OR4K1: variants seen among roughly 807,000 people sequenced by gnomAD.
The protein encoded by OR4K1 is olfactory receptor 4K1.
OR4K1 carries 16 observed loss-of-function variants against 14.4 expected under a neutral mutation model. That is an observed-to-expected ratio of 1.11 (90% CI 0.75 to 1.68). The LOEUF (loss-of-function observed/expected upper bound fraction) is 1.68, where lower values mean the gene tolerates loss of function less well. Among genes scored for constraint, OR4K1 ranks in the 40% most tolerant of loss-of-function variants. The probability of loss-of-function intolerance (pLI) is 0.00; values close to 1 mark genes in which losing one functional copy is unlikely to be tolerated. For synonymous variants in OR4K1, 181 were observed against 133.1 expected, an observed-to-expected ratio of 1.36 and a Z score of -2.48; for missense variants, 548 against 376.9, an observed-to-expected ratio of 1.45 and a Z score of -3.76.
At chr14:19,925,042 T>C in the OR4K1 span, among the ~76,000 whole-genome samples, 25 of 152,222 alleles carry the variant, frequency 1.6e-4, no homozygotes, top group Non-Finnish European at 3.7e-4. Context: ...TTCAAAGTAA[T>C]AGGATAGTAT....
At chr14:19,920,835 G>T in the OR4K1 span, 4 of 1,614,082 alleles carry the variant, frequency 2.5e-6, no homozygotes, top group Admixed American at 3.3e-5. Context: ...GGCTTCTTTT[G>T]CTACCCCTAA....
upstream of OR4K1, among the ~76,000 whole-genome samples, chr14:19,930,000 T>C (rs1300058232): frequency 6.6e-6 from 1 of 152,222 alleles, no homozygotes; most frequent in Non-Finnish European, 1.5e-5. Context: ...AATTTTACAA[T>C]CTTTAACTTT....
At chr14:19,927,507 T>A (rs3853412), upstream of OR4K1, among the ~76,000 whole-genome samples, 9,625 of 151,388 alleles carry the variant, frequency 0.064, 541 homozygotes, top group East Asian at 0.47. Context: ...GATGAACGTA[T>A]GTGAGTGGGC....
At chr14:19,924,424 A>AAAAAAG in the OR4K1 span, among the ~76,000 whole-genome samples, 1 of 146,792 alleles carries the variant, frequency 6.8e-6, no homozygotes, top group African/African-American at 2.5e-5. Flanking sequence ...AAAAAAAAAA[A>AAAAAAG]AAAGATAGCA....
At chr14:19,928,226 T>C (rs1882101937), upstream of OR4K1, among the ~76,000 whole-genome samples, 1 of 152,238 alleles carries the variant, frequency 6.6e-6, no homozygotes, top group African/African-American at 2.4e-5. Context: ...TTGATCCACT[T>C]ATGGATTTTG....
the OR4K1 span, among the ~76,000 whole-genome samples, chr14:19,922,666 T>TA: frequency 6.6e-6 from 1 of 151,830 alleles, no homozygotes; most frequent in African/African-American, 2.4e-5. Flanking sequence ...TTTTTTTTTT[T>TA]ACTATTGCTT....
Position 19,936,481 on chromosome 14 carries a change from C to T in OR4K1, c.815C>T (p.Ser272Phe). Residue 272 changes from serine to phenylalanine, a missense_variant, in exon 2 of 2, where the codon TCT (serine) becomes TTT (phenylalanine). By Grantham distance (155) the Ser-to-Phe change is radical. Transcript: ENST00000641172. The stretch of plus-strand genomic sequence containing the variant: ...AGACTTCCTGTGGACAAATTTCTTT[C>T]TGTGTTCTACACTGTTTGTACTCCC... ...FSRLPVDKFL[S>F]VFYTVCTPLL... The T allele has an allele frequency of 6.2e-7, 1 of 1,613,984 alleles. No homozygotes were observed. Among genetic ancestry groups the T allele is most frequent in the Non-Finnish European group, 8.5e-7 (1 of 1,180,028 alleles).
chr14:19,926,811 T>G (rs781671796), upstream of OR4K1, among the ~76,000 whole-genome samples: 1 of 152,246 alleles, frequency 6.6e-6, no homozygotes, highest in Non-Finnish European at 1.5e-5. Flanking sequence ...AATAAGGACA[T>G]TGTGTAGATT....
At position 19,935,699 on chromosome 14, in the gene OR4K1, GTTTGTAC is replaced by G. The variant is rs750607574; in HGVS notation, c.37_43del (p.Val13TrpfsTer19). 6.2e-7 allele frequency: 1 copy of G among 1,610,508 alleles called. No homozygotes were observed. Among genetic ancestry groups the G allele is most frequent in the South Asian group, 1.1e-5 (1 of 90,126 alleles). On this transcript the variant is annotated frameshift_variant, in exon 2 of 2. Coordinates refer to ENST00000641172, the MANE Select transcript of OR4K1 (RefSeq NM_001004063.3). LOFTEE classifies it high-confidence loss of function. ...ACACAAATGAATCGATGGTGTCTGA[GTTTGTAC>G]TTTTGGGACTCTCTAATTCCTGGGG...
chr14:19,925,196 A>G, the OR4K1 span, among the ~76,000 whole-genome samples: 1 of 152,250 alleles, frequency 6.6e-6, no homozygotes, highest in African/African-American at 2.4e-5. Context: ...ACTCTAGTCA[A>G]TTGAAAAAGT....
the OR4K1 span, chr14:19,921,241 C>G: frequency 6.2e-7 from 1 of 1,614,188 alleles, no homozygotes; most frequent in Non-Finnish European, 8.5e-7. Context: ...AGCACTTTCT[C>G]TCTCTTGGTC....
chr14:19,920,530 T>G, the OR4K1 span: 1 of 1,490,786 alleles, frequency 6.7e-7, no homozygotes, highest in South Asian at 1.4e-5. Flanking sequence ...CTTAAAAGTA[T>G]TCTTAATTCA....
At chr14:19,935,356 T>G (rs1882280354) in intron 1 of OR4K1, among the ~76,000 whole-genome samples, 1 of 152,264 alleles carries the variant, frequency 6.6e-6, no homozygotes, top group Non-Finnish European at 1.5e-5. Context: ...ATTCATGTAT[T>G]TCACTTATAC....
At chr14:19,924,459 GGTAAACTCAAATTTATTTCTTGACTTT>G in the OR4K1 span, among the ~76,000 whole-genome samples, 1 of 147,228 alleles carries the variant, frequency 6.8e-6, no homozygotes, top group Non-Finnish European at 1.5e-5. Context: ...GCTATCATTT[GGTAAACTCAAATTTATTTCTTGACTTT>G]TTAATAATCG....
chr14:19,925,209 A>C, the OR4K1 span, among the ~76,000 whole-genome samples: 1 of 152,252 alleles, frequency 6.6e-6, no homozygotes, highest in Non-Finnish European at 1.5e-5. Context: ...GAAAAAGTGT[A>C]AAGGAAAGTG....
At chr14:19,924,400 CAAAAAAA>C in the OR4K1 span, among the ~76,000 whole-genome samples, 34 of 79,260 alleles carry the variant, frequency 4.3e-4, no homozygotes, top group African/African-American at 1.6e-3. Context: ...AACTCCGTAT[CAAAAAAA>C]AAAAAAAAAA....
chr14:19,932,832 G>A (rs1231861802), intron 1 of OR4K1, among the ~76,000 whole-genome samples: 1 of 152,014 alleles, frequency 6.6e-6, no homozygotes, highest in Non-Finnish European at 1.5e-5. Context: ...ATGCTTAGGG[G>A]ACTGCTTAAA....
upstream of OR4K1, among the ~76,000 whole-genome samples, chr14:19,928,796 G>A (rs183246814): frequency 1.8e-3 from 272 of 152,108 alleles, 1 homozygote; most frequent in Middle Eastern, 6.8e-3. Flanking sequence ...GAGTATTTCT[G>A]TTCTTTTGAA....
intron 1 of OR4K1, among the ~76,000 whole-genome samples, chr14:19,933,158 G>A (rs890650888): frequency 6.6e-6 from 1 of 151,712 alleles, no homozygotes; most frequent in Admixed American, 6.6e-5. Context: ...TATTATTACA[G>A]TATAATGAAC....
Sources: allele counts gnomAD v4.1 joint callset (sites outside exome capture counted in the v4.1 genomes callset), GRCh38; gene constraint gnomAD v4.1.1; transcripts MANE v1.5; gene names NCBI Gene and HGNC (gene_info 2026-07-23, HGNC 2026-07-21).